The following FGF12 variants were observed in gnomAD, a reference collection of about 807,000 sequenced individuals.
FGF12 encodes the protein fibroblast growth factor 12.
Under a neutral mutation model 23.6 loss-of-function variants are expected in FGF12, and 14 were observed. That is an observed-to-expected ratio of 0.59 (90% CI 0.39 to 0.93). The LOEUF (loss-of-function observed/expected upper bound fraction) is 0.93. Ranked by LOEUF, FGF12 falls within the 40% of genes least tolerant of loss-of-function variation. The probability of loss-of-function intolerance (pLI) is 0.00; values close to 1 mark genes in which losing one functional copy is unlikely to be tolerated. For missense variants in FGF12, 175 were observed against 217.8 expected (o/e 0.80, Z 1.24); for synonymous variants, 62 against 77.3 (o/e 0.80, Z 1.04).
rs1440884723 is a variant in FGF12 at position 192,409,578 on chromosome 3, T to C, written c.14-49040A>G. Reference sequence around the variant, plus strand: ...CGATCACTCAGTCCCGCGCCGCCCATCCCGGCCGAGGAAGGAAGTGACCCG... The same window carrying C: ...CGATCACTCAGTCCCGCGCCGCCCACCCCGGCCGAGGAAGGAAGTGACCCG... On this transcript the variant is annotated intron_variant, in intron 2 of 5. Coordinates refer to ENST00000445105, the MANE Select transcript of FGF12 (RefSeq NM_004113.6). This position sits in a 1 kb window ranked among gnomAD's most constrained non-coding sequence, Gnocchi z 4.8. Among the ~76,000 whole-genome samples, 1 of 151,790 alleles carries C rather than the reference T, an allele frequency of 6.6e-6. No individual in the cohort carries two copies. Among genetic ancestry groups the C allele is most frequent in the Non-Finnish European group, 1.5e-5 (1 of 67,924 alleles).
chr3:192,702,228 T>TTA (rs1307085145), intron 2 of FGF12, among the ~76,000 whole-genome samples: 4 of 152,180 alleles, frequency 2.6e-5, no homozygotes, highest in East Asian at 1.9e-4. Context: ...TTGTAGTTTA[T>TTA]TATATATATA....
chr3:192,257,081 T>A (rs1489913292), intron 4 of FGF12, among the ~76,000 whole-genome samples: 1 of 152,170 alleles, frequency 6.6e-6, no homozygotes, highest in Non-Finnish European at 1.5e-5. Flanking sequence ...GTAAGAGCAA[T>A]CTGTGCAAAT....
At chr3:192,424,477 G>A (rs2366663) in intron 2 of FGF12, among the ~76,000 whole-genome samples, 91,090 of 151,904 alleles carry the variant, frequency 0.6, 27,667 homozygotes, top group African/African-American at 0.7. Context: ...TAATATATGT[G>A]TTAGATGTTG....
At chr3:192,682,570 A>C (rs539209191) in intron 2 of FGF12, among the ~76,000 whole-genome samples, 1 of 152,280 alleles carries the variant, frequency 6.6e-6, no homozygotes, top group African/African-American at 2.4e-5. Flanking sequence ...TTTAATATGA[A>C]ATATCATCCT....
In FGF12 at chr3:192,316,356, T is replaced by C. The variant is rs150707398; in HGVS notation, c.228+19005A>G. ...AACTTCATATCACTGAAAGAGGCAC[T>C]GAAGAGGGTAGGAAAGACAGTTATG... On this transcript the variant is annotated intron_variant, in intron 4 of 5. Transcript: ENST00000445105. Among the ~76,000 whole-genome samples, 214 of 152,314 alleles carry C rather than the reference T, an allele frequency of 1.4e-3. 2 individuals are homozygous for C. Among genetic ancestry groups the C allele is most frequent in the African/African-American group, 4.9e-3 (203 of 41,560 alleles).
chr3:192,374,706 A>G (rs1298435883), intron 2 of FGF12, among the ~76,000 whole-genome samples: 1 of 152,090 alleles, frequency 6.6e-6, no homozygotes, highest in Non-Finnish European at 1.5e-5. Context: ...CTCATTTTAT[A>G]GATGTTAATA....
At chr3:192,553,361 T>A (rs1711613638) in intron 2 of FGF12, among the ~76,000 whole-genome samples, 1 of 152,096 alleles carries the variant, frequency 6.6e-6, no homozygotes, top group Admixed American at 6.5e-5. Flanking sequence ...ATAAATATAA[T>A]TATAATACAG....
chr3:192,439,925 G>T lies in FGF12; in HGVS notation c.14-79387C>A, dbSNP rs574128847. On this transcript the variant is annotated intron_variant, in intron 2 of 5. Transcript: ENST00000445105. ...CGGGAGGCAGAGGCTGCAGTGAGCT[G>T]AGATCGCGCCACTGCATTCCAGCCT... 2.0e-5 allele frequency among the ~76,000 whole-genome samples: 3 copies of T among 150,612 alleles called. No homozygotes were observed. The East Asian group carries it at 5.9e-4, about 30-fold the overall frequency.
intron 4 of FGF12, among the ~76,000 whole-genome samples, chr3:192,249,235 T>C (rs1215043688): frequency 2.0e-5 from 3 of 152,170 alleles, no homozygotes; most frequent in African/African-American, 4.8e-5. Flanking sequence ...GACAGCTGAA[T>C]AATAAAACAC....
At chr3:192,564,124 C>T (rs767306627) in intron 2 of FGF12, among the ~76,000 whole-genome samples, 17 of 151,994 alleles carry the variant, frequency 1.1e-4, no homozygotes, top group Non-Finnish European at 2.1e-4. Context: ...AGTGCAGTGG[C>T]GCGATCTCAG....
chr3:192,452,346 G>A (rs1046349667), intron 2 of FGF12, among the ~76,000 whole-genome samples: 2 of 152,050 alleles, frequency 1.3e-5, no homozygotes, highest in African/African-American at 4.8e-5. Flanking sequence ...TCTTTTCTAA[G>A]GACAAACTCC....
chr3:192,543,635 A>G (rs541068436), intron 2 of FGF12, among the ~76,000 whole-genome samples: 60 of 151,826 alleles, frequency 4.0e-4, no homozygotes, highest in Admixed American at 2.3e-3. Context: ...TGAAGCCAGC[A>G]TGTCTTTGAG....
At chr3:192,725,283 T>G (rs1429592807) in intron 2 of FGF12, among the ~76,000 whole-genome samples, 1 of 129,504 alleles carries the variant, frequency 7.7e-6, no homozygotes, top group African/African-American at 3.6e-5. Flanking sequence ...ACTTTCATCA[T>G]GTTTTTTTTT....
chr3:192,501,967 C>G (rs951054613), intron 2 of FGF12, among the ~76,000 whole-genome samples: 5 of 152,072 alleles, frequency 3.3e-5, no homozygotes, highest in Non-Finnish European at 7.4e-5. Flanking sequence ...TCATTCTTTC[C>G]CAAACCTAAA....
chr3:192,335,508 GAATA>G (rs1210869640), intron 3 of FGF12, 44 bp from the exon 4 acceptor site: 1 of 1,139,596 alleles, frequency 8.8e-7, no homozygotes, highest in African/African-American at 1.5e-5. Flanking sequence ...GTGACCTTTT[GAATA>G]AATAATCCTT....
intron 2 of FGF12, among the ~76,000 whole-genome samples, chr3:192,600,977 T>C (rs933455644): frequency 6.6e-6 from 1 of 152,050 alleles, no homozygotes; most frequent in Non-Finnish European, 1.5e-5. Flanking sequence ...AAATTAGCAA[T>C]ATCAAAGAGA....
intron 2 of FGF12, among the ~76,000 whole-genome samples, chr3:192,566,043 G>A (rs1266935986): frequency 1.3e-5 from 2 of 152,296 alleles, no homozygotes; most frequent in East Asian, 1.9e-4. Context: ...CCGAGATTGC[G>A]CCATTGCACT....
intron 2 of FGF12, among the ~76,000 whole-genome samples, chr3:192,716,167 G>A (rs963261247): frequency 1.3e-5 from 2 of 152,154 alleles, no homozygotes; most frequent in African/African-American, 2.4e-5. Flanking sequence ...TCAAAAGCCC[G>A]GGCTAACCCT....
chr3:192,599,880 G>A (rs1231791681), intron 2 of FGF12, among the ~76,000 whole-genome samples: 1 of 152,050 alleles, frequency 6.6e-6, no homozygotes, highest in Non-Finnish European at 1.5e-5. Context: ...AGTAAAGTTA[G>A]TGGCTAGTCT....
Sources: gnomAD v4.1 joint callset for allele counts (sites outside exome capture counted in the v4.1 genomes callset) on GRCh38, gnomAD v4.1.1 for gene constraint, Gnocchi (gnomAD v3.1) non-coding constraint, MANE v1.5 for transcripts, NCBI Gene and HGNC (gene_info 2026-07-23, HGNC 2026-07-21) for gene names.